Variants in SKA1 observed in about 807,000 individuals in gnomAD.
The protein encoded by SKA1 is SKA complex subunit 1.
In SKA1, 20 loss-of-function variants were observed where a neutral mutation model predicts 31.8. That is an observed-to-expected ratio of 0.63 (90% CI 0.44 to 0.91). The LOEUF (loss-of-function observed/expected upper bound fraction) is 0.91, where lower values mean the gene tolerates loss of function less well. Ranked by LOEUF, SKA1 falls within the 40% of genes least tolerant of loss-of-function variation. The pLI is 0.00. For synonymous variants in SKA1, 88 were observed against 100.5 expected (o/e 0.88, Z 0.74); for missense variants, 253 against 298.2 (o/e 0.85, Z 1.12).
intron 3 of SKA1, 139 bp from the exon 4 acceptor site, chr18:50,381,990 G>T: frequency 1.7e-6 from 1 of 580,038 alleles, no homozygotes; most frequent in Non-Finnish European, 3.0e-6. Context: ...CTCCCAAGGT[G>T]CTGGGATTAC....
intron 1 of SKA1, 154 bp downstream of exon 1, chr18:50,375,348 G>C (rs2041205625): frequency 2.0e-5 from 3 of 152,564 alleles, no homozygotes; most frequent in Non-Finnish European, 4.4e-5. Context: ...CACCGGCGGA[G>C]TGGGTGGGAA....
chr18:50,387,638 G>A (rs191532978), intron 5 of SKA1, among the ~76,000 whole-genome samples: 1 of 152,214 alleles, frequency 6.6e-6, no homozygotes, highest in East Asian at 1.9e-4. Context: ...TCTTTCTTTA[G>A]CTGAGTCTAG....
chr18:50,381,054 A>G (rs2041258228), intron 3 of SKA1, among the ~76,000 whole-genome samples: 2 of 152,254 alleles, frequency 1.3e-5, no homozygotes, highest in Non-Finnish European at 2.9e-5. Flanking sequence ...CTTCAAGGAA[A>G]AGACATTATA....
chr18:50,392,274 A>T lies in SKA1; in HGVS notation c.*27A>T. ...TCCCTTGTGAACTTTTGAACATACC[A>T]ACAGGGTATAGAGTATAGAGGCTAT... is the stretch of plus-strand genomic sequence containing the variant. On this transcript the variant is annotated 3_prime_UTR_variant, in exon 7 of 7. Coordinates refer to ENST00000285116, the MANE Select transcript of SKA1 (RefSeq NM_145060.4). The T allele has an allele frequency of 6.8e-7, 1 of 1,475,318 alleles. No homozygotes were observed. The highest frequency in any genetic ancestry group is 9.0e-7 in the Non-Finnish European group (1 of 1,108,400). 91.4% of individuals were successfully genotyped at this position (1,475,318 alleles called of 1,614,324 possible). A position where few individuals can be genotyped will look rare whatever the true frequency, so the allele number is the denominator to read the frequency against.
At chr18:50,387,223 C>G (rs915757871) in intron 5 of SKA1, among the ~76,000 whole-genome samples, 5 of 152,194 alleles carry the variant, frequency 3.3e-5, no homozygotes, top group African/African-American at 1.2e-4. Context: ...ATAGTGGTAT[C>G]TAATTATTTT....
chr18:50,392,001 A>C, intron 6 of SKA1, 98 bp from the exon 7 acceptor site: 1 of 893,010 alleles, frequency 1.1e-6, no homozygotes, highest in Non-Finnish European at 1.6e-6. Context: ...TACTAACAGT[A>C]AAAACGACTA....
intron 4 of SKA1, 27 bp from the exon 5 acceptor site, chr18:50,385,189 G>A: frequency 3.2e-6 from 5 of 1,557,468 alleles, no homozygotes; most frequent in South Asian, 1.2e-5. Flanking sequence ...AAAATTGCCT[G>A]TATGTATGTA....
At chr18:50,385,802 C>T (rs1440209410) in intron 5 of SKA1, among the ~76,000 whole-genome samples, 4 of 152,180 alleles carry the variant, frequency 2.6e-5, no homozygotes, top group African/African-American at 9.6e-5. Context: ...AGACAAAATG[C>T]TTCCCCCAAA....
chr18:50,376,876 C>T (rs115394965), intron 2 of SKA1, among the ~76,000 whole-genome samples: 1,646 of 150,568 alleles, frequency 0.011, 43 homozygotes, highest in African/African-American at 0.038. Context: ...ACACATTAGC[C>T]TAGGCCTATG....
intron 5 of SKA1, among the ~76,000 whole-genome samples, chr18:50,390,641 T>G (rs1156886953): frequency 2.0e-5 from 3 of 152,230 alleles, no homozygotes; most frequent in Non-Finnish European, 4.4e-5. Flanking sequence ...TAATTTTCAT[T>G]GTCAACTTTG....
rs115901776 is a variant in SKA1 at position 50,386,929 on chromosome 18, T to C, written c.449+1576T>C. The stretch of plus-strand genomic sequence containing the variant: ...ATTGGTTTGTTTATTCATTCACCTA[T>C]TGAAGCAATCTTAGTTCCTTCCAGT... On this transcript the variant is annotated intron_variant, in intron 5 of 6. Coordinates refer to ENST00000285116, the MANE Select transcript of SKA1 (RefSeq NM_145060.4). Among the ~76,000 whole-genome samples the C allele has an allele frequency of 4.9e-3, 745 of 152,368 alleles. 3 individuals are homozygous for C. The highest frequency in any genetic ancestry group is 0.017 in the African/African-American group (711 of 41,586).
intron 5 of SKA1, among the ~76,000 whole-genome samples, chr18:50,390,799 A>G (rs57347032): frequency 0.06 from 9,126 of 152,162 alleles, 753 homozygotes; most frequent in African/African-American, 0.18. Flanking sequence ...CTTTGCTCAC[A>G]TTTAAAACTG....
intron 3 of SKA1, 70 bp downstream of exon 3, chr18:50,380,320 T>C (rs1441294): frequency 0.7 from 997,025 of 1,417,424 alleles, 351,750 homozygotes; most frequent in East Asian, 0.85. Flanking sequence ...TTAAGTAATT[T>C]TTAAGGATGC....
chr18:50,393,309 C>A lies in SKA1; in HGVS notation c.*1062C>A. The A allele has an allele frequency of 6.6e-6, 1 of 151,848 alleles. No homozygotes were observed. Among genetic ancestry groups the A allele is most frequent in the Non-Finnish European group, 1.5e-5 (1 of 68,062 alleles). 9.4% of individuals were successfully genotyped at this position (151,848 alleles called of 1,614,324 possible). A position where few individuals can be genotyped will look rare whatever the true frequency, so the allele number is the denominator to read the frequency against. On this transcript the variant is annotated 3_prime_UTR_variant, in exon 7 of 7. Transcript: ENST00000285116. ...TGGGCAACAGAGCGAGACTCCATCT[C>A]AGAAAAAAAGAAAAAAAGACTGGGT...
At chr18:50,383,373 C>CT (rs1451931119) in intron 4 of SKA1, among the ~76,000 whole-genome samples, 3 of 152,172 alleles carry the variant, frequency 2.0e-5, no homozygotes, top group Non-Finnish European at 4.4e-5. Flanking sequence ...TTTCTCTCCC[C>CT]TTTTTTAAAT....
At position 50,377,106 on chromosome 18, in the gene SKA1, A is replaced by G. The variant is rs1024401685; in HGVS notation, c.88+1188A>G. 3.3e-5 allele frequency among the ~76,000 whole-genome samples: 5 copies of G among 152,282 alleles called. No homozygotes were observed. The East Asian group carries it at 9.6e-4, about 29-fold the overall frequency. ...AACAATACAAAGTATTGTATAGTAA[A>G]TAACATAAACTAGTAACCATTTATT... is the stretch of plus-strand genomic sequence containing the variant. On this transcript the variant is annotated intron_variant, in intron 2 of 6. Coordinates refer to ENST00000285116, the MANE Select transcript of SKA1 (RefSeq NM_145060.4).
chr18:50,384,059 T>TCATA (rs748469489), intron 4 of SKA1, among the ~76,000 whole-genome samples: 7 of 152,340 alleles, frequency 4.6e-5, no homozygotes, highest in Admixed American at 2.6e-4. Flanking sequence ...ATCCTCCCAC[T>TCATA]CATAATTCCA....
At position 50,385,356 on chromosome 18, in the gene SKA1, A is replaced by G; in HGVS notation, c.449+3A>G. On this transcript the variant is annotated splice_donor_region_variant and intron_variant, in intron 5 of 6. Coordinates refer to ENST00000285116, the MANE Select transcript of SKA1 (RefSeq NM_145060.4). ...GATGAGTTCAATGGTGTTCCTTCGT[A>G]AGTATTTAAGATAAATAATGTTCAA... 2 of 1,593,406 alleles carry G rather than the reference A, an allele frequency of 1.3e-6. No individual in the cohort carries two copies. Among genetic ancestry groups the G allele is most frequent in the South Asian group, 1.2e-5 (1 of 86,684 alleles).
chr18:50,379,966 T>C (rs6507991), intron 2 of SKA1, among the ~76,000 whole-genome samples, 160 bp from the exon 3 acceptor site: 109,979 of 152,098 alleles, frequency 0.72, 39,913 homozygotes, highest in East Asian at 0.81. Flanking sequence ...GAAATGAGGT[T>C]TCAGGATTGT....
Sources: gnomAD v4.1 joint callset for allele counts (sites outside exome capture counted in the v4.1 genomes callset) on GRCh38, gnomAD v4.1.1 for gene constraint, MANE v1.5 for transcripts, NCBI Gene and HGNC (gene_info 2026-07-23, HGNC 2026-07-21) for gene names.